The following MAP3K1 variants were observed in gnomAD, a reference collection of about 807,000 sequenced individuals.
The protein encoded by MAP3K1 is mitogen-activated protein kinase kinase kinase 1.
A neutral mutation model predicts 144.2 loss-of-function variants in MAP3K1; 36 were observed. The observed-to-expected ratio is 0.25, with a 90% CI of 0.19 to 0.33. The LOEUF (loss-of-function observed/expected upper bound fraction) is 0.33, where lower values mean the gene tolerates loss of function less well. Ranked by LOEUF, MAP3K1 falls within the 10% of genes least tolerant of loss-of-function variation. MAP3K1 has a pLI of 1.00. For missense variants in MAP3K1, 1,650 were observed against 1,881.9 expected (o/e 0.88, Z 2.28); for synonymous variants, 718 against 688.7 (o/e 1.04, Z -0.67).
At chr5:56,824,312 T>C (rs1746243269) in intron 1 of MAP3K1, among the ~76,000 whole-genome samples, 1 of 152,276 alleles carries the variant, frequency 6.6e-6, no homozygotes, top group Non-Finnish European at 1.5e-5. Context: ...TGAAGCACTT[T>C]GATTTTACAC....
At chr5:56,875,637 C>T (rs903810239) in intron 10 of MAP3K1, among the ~76,000 whole-genome samples, 1 of 152,108 alleles carries the variant, frequency 6.6e-6, no homozygotes, top group Non-Finnish European at 1.5e-5. Flanking sequence ...CCTCATCCTC[C>T]TTTTCCACTT....
In MAP3K1 at chr5:56,881,103, G is replaced by T. The variant is rs1277267068; in HGVS notation, c.2200G>T (p.Val734Phe). The T allele has an allele frequency of 1.2e-6, 2 of 1,612,988 alleles. No homozygotes were observed. Among genetic ancestry groups the T allele is most frequent in the Admixed American group, 3.3e-5 (2 of 59,926 alleles). Residue 734 changes from valine to phenylalanine, a missense_variant, in exon 13 of 20, where the codon GTT (valine) becomes TTT (phenylalanine). Val to Phe is a conservative substitution (Grantham distance 50). Around this residue, in one of 6 missense-constraint regions of MAP3K1, gnomAD observed 841 missense variants for 886.5 expected, o/e 0.95. Transcript: ENST00000399503. ...TGTAGGATCCATTGGTATTGGTGGTGTTGATTATGTCTTAAATTGTATTCT... is the reference window on the plus strand; with the variant it reads ...TGTAGGATCCATTGGTATTGGTGGTTTTGATTATGTCTTAAATTGTATTCT... ...LKAGSIGIGGVDYVLNCILGN... is the reference protein window; with the variant it reads ...LKAGSIGIGGFDYVLNCILGN...
At chr5:56,816,437 G>A (rs1361608240) in intron 1 of MAP3K1, among the ~76,000 whole-genome samples, 1 of 152,016 alleles carries the variant, frequency 6.6e-6, no homozygotes, top group African/African-American at 2.4e-5. Flanking sequence ...CCGGACGGGT[G>A]TCCCCGGGGC....
chr5:56,816,198 C>G (rs554425366), intron 1 of MAP3K1, 143 bp downstream of exon 1: 2 of 835,924 alleles, frequency 2.4e-6, no homozygotes, highest in East Asian at 4.1e-5. Flanking sequence ...CCCCTGAGCA[C>G]CCCCCGACCC....
intron 1 of MAP3K1, among the ~76,000 whole-genome samples, chr5:56,838,995 C>T (rs144626607): frequency 2.6e-5 from 4 of 152,116 alleles, no homozygotes; most frequent in East Asian, 1.9e-4. Context: ...TGACATTGGT[C>T]GAGATCTTCT....
At chr5:56,842,847 G>C (rs1298770819) in intron 1 of MAP3K1, among the ~76,000 whole-genome samples, 1 of 152,074 alleles carries the variant, frequency 6.6e-6, no homozygotes, top group African/African-American at 2.4e-5. Flanking sequence ...TGAGGAAATT[G>C]AGGCACAAAG....
In MAP3K1 at chr5:56,862,890, C is replaced by T. The variant is rs545495514; in HGVS notation, c.835-1844C>T. 1.7e-4 allele frequency among the ~76,000 whole-genome samples: 26 copies of T among 152,206 alleles called. 1 individual carries two copies. The East Asian group carries it at 3.3e-3, about 19-fold the overall frequency. ...ACAATTCAGTGTTTTATAGTATATT[C>T]ACAGGGTTGTGTAGCCATTATTACG... On this transcript the variant is annotated intron_variant, in intron 3 of 19. Coordinates refer to ENST00000399503, the MANE Select transcript of MAP3K1 (RefSeq NM_005921.2).
intron 9 of MAP3K1, among the ~76,000 whole-genome samples, chr5:56,874,466 C>T (rs1747953486): frequency 6.6e-6 from 1 of 152,164 alleles, no homozygotes; most frequent in Admixed American, 6.5e-5. Flanking sequence ...GATTTGTCCA[C>T]TCCATTCGTT....
At chr5:56,836,483 A>G (rs545356531) in intron 1 of MAP3K1, among the ~76,000 whole-genome samples, 1 of 152,198 alleles carries the variant, frequency 6.6e-6, no homozygotes, top group African/African-American at 2.4e-5. Flanking sequence ...ACCCATATAG[A>G]TATTACTTAT....
rs187945560 is a variant in MAP3K1 at position 56,872,746 on chromosome 5, A to T, written c.1505+24A>T. On this transcript the variant is annotated intron_variant, in intron 8 of 19. Coordinates refer to ENST00000399503, the MANE Select transcript of MAP3K1 (RefSeq NM_005921.2). ...AGGTAATAATTTTGAAATGATACGG[A>T]TATGTTTAATTTTTAAAAATTTCTC... The T allele has an allele frequency of 9.3e-4, 1,487 of 1,592,904 alleles. 3 individuals carry two copies. The highest frequency in any genetic ancestry group is 1.2e-3 in the Admixed American group (71 of 59,970).
intron 1 of MAP3K1, among the ~76,000 whole-genome samples, chr5:56,853,639 G>C (rs1339417704): frequency 6.6e-6 from 1 of 152,218 alleles, no homozygotes; most frequent in Non-Finnish European, 1.5e-5. Context: ...TGCTGTGAAA[G>C]AATGGAACTG....
In MAP3K1 at chr5:56,882,156, C is replaced by CCTT; in HGVS notation, c.2965_2967dup (p.Ser989dup). Reference sequence around the variant, plus strand: ...ATTAATGTTTCCAGCCTTGTCAACCCCTTCTTCTTCTACCCCATCTGTACC... The same window carrying CCTT: ...ATTAATGTTTCCAGCCTTGTCAACCCCTTCTTCTTCTTCTACCCCATCTGTACC... On this transcript the variant is annotated inframe_insertion, in exon 14 of 20. Coordinates refer to ENST00000399503, the MANE Select transcript of MAP3K1 (RefSeq NM_005921.2). 8 of 1,611,900 alleles carry CCTT rather than the reference C, an allele frequency of 5.0e-6. No homozygotes were observed. The highest frequency in any genetic ancestry group is 6.8e-6 in the Non-Finnish European group (8 of 1,179,978).
Position 56,882,120 on chromosome 5 carries a change from C to T in MAP3K1, c.2920C>T (p.His974Tyr). 1 of 1,614,162 alleles carries T rather than the reference C, an allele frequency of 6.2e-7. No individual in the cohort carries two copies. Among genetic ancestry groups the T allele is most frequent in the Non-Finnish European group, 8.5e-7 (1 of 1,180,026 alleles). ...GTGTTTGAACTCCTCTCCTTTATCTCATCATTCCCAATTAATGTTTCCAGC... is the reference window on the plus strand; with the variant it reads ...GTGTTTGAACTCCTCTCCTTTATCTTATCATTCCCAATTAATGTTTCCAGC... ...SQCLNSSPLS[H>Y]HSQLMFPALS... is the part of the protein sequence containing the mutation. The change falls in exon 14 of 20, where the codon CAT becomes TAT. Residue 974 changes from histidine to tyrosine, a missense_variant. By Grantham distance (83) the His-to-Tyr change is moderately conservative. This residue lies in a region of MAP3K1 where 841 missense variants were observed against 886.5 expected (regional missense o/e 0.95). Transcript: ENST00000399503.
chr5:56,889,171 T>A (rs1748471930), intron 19 of MAP3K1, among the ~76,000 whole-genome samples: 1 of 152,178 alleles, frequency 6.6e-6, no homozygotes, highest in Admixed American at 6.5e-5. Context: ...TTCGTTTGTT[T>A]TTTGTTTTTG....
chr5:56,822,953 AG>A (rs1292816858), intron 1 of MAP3K1, among the ~76,000 whole-genome samples: 1 of 152,104 alleles, frequency 6.6e-6, no homozygotes, highest in Non-Finnish European at 1.5e-5. Context: ...ACCCCTAGCC[AG>A]GTGCCCATTG....
intron 10 of MAP3K1, among the ~76,000 whole-genome samples, chr5:56,877,156 A>G (rs1164550533): frequency 2.0e-5 from 3 of 152,230 alleles, no homozygotes; most frequent in East Asian, 3.8e-4. Flanking sequence ...GGACCAGCAT[A>G]CTATAGAATA....
At position 56,865,968 on chromosome 5, in the gene MAP3K1, C is replaced by G; in HGVS notation, c.1292C>G (p.Ser431Ter). ...TCATCTAGTACTTCTACGTCTAGTT[C>G]AGAAAACAGGTTAGTACTTTTTAAG... The part of the protein sequence containing the change: ...LSSSSTSTSS[S>*]ENSIKDEEEQ... The change falls in exon 6 of 20, where the codon TCA becomes TGA. Residue 431 changes from serine to a stop codon, truncating the protein, a stop_gained. Transcript: ENST00000399503. LOFTEE classifies it high-confidence loss of function. The G allele has an allele frequency of 6.2e-7, 1 of 1,608,404 alleles. No individual in the cohort carries two copies. The highest frequency in any genetic ancestry group is 8.5e-7 in the Non-Finnish European group (1 of 1,174,830).
At chr5:56,838,678 C>T (rs747792999) in intron 1 of MAP3K1, among the ~76,000 whole-genome samples, 3 of 151,986 alleles carry the variant, frequency 2.0e-5, no homozygotes, top group South Asian at 2.1e-4. Context: ...CCATTCAATT[C>T]GAAGAATCTT....
intron 1 of MAP3K1, among the ~76,000 whole-genome samples, chr5:56,829,734 A>G (rs951510642): frequency 1.3e-5 from 2 of 152,224 alleles, no homozygotes; most frequent in African/African-American, 4.8e-5. Context: ...GGAATAGAGC[A>G]AAGTCTTGAA....
Sources: gnomAD v4.1 joint callset for allele counts (sites outside exome capture counted in the v4.1 genomes callset) on GRCh38, gnomAD v4.1.1 for gene constraint, gnomAD v4.1.1 regional missense constraint, MANE v1.5 for transcripts, NCBI Gene and HGNC (gene_info 2026-07-23, HGNC 2026-07-21) for gene names.